ANKFN1: variants seen among roughly 807,000 people sequenced by gnomAD.
ANKFN1 encodes ankyrin repeat and fibronectin type-III domain-containing protein 1.
Under a neutral mutation model 108.7 loss-of-function variants are expected in ANKFN1, and 74 were observed. The observed-to-expected ratio is 0.68, with a 90% CI of 0.56 to 0.83. ANKFN1 has a LOEUF of 0.83. Ranked by LOEUF, ANKFN1 falls within the 40% of genes least tolerant of loss-of-function variation. ANKFN1 has a pLI of 0.00. For missense variants in ANKFN1, 1,505 were observed against 1,382.3 expected (o/e 1.09, Z -1.41); for synonymous variants, 547 against 516.2 (o/e 1.06, Z -0.81).
At chr17:56,110,464 G>A (rs1905898787) in intron 4 of ANKFN1, among the ~76,000 whole-genome samples, 1 of 152,162 alleles carries the variant, frequency 6.6e-6, no homozygotes, top group African/African-American at 2.4e-5. Flanking sequence ...TGTGGGACTA[G>A]TCGATTAGTG....
chr17:56,334,384 A>G (rs916600452), intron 4 of ANKFN1, among the ~76,000 whole-genome samples: 11 of 152,134 alleles, frequency 7.2e-5, no homozygotes, highest in South Asian at 4.1e-4. Context: ...AGGATAATGT[A>G]TATGTTCATT....
At chr17:56,361,589 T>G (rs1337819965) in intron 6 of ANKFN1, among the ~76,000 whole-genome samples, 1 of 152,190 alleles carries the variant, frequency 6.6e-6, no homozygotes, top group Non-Finnish European at 1.5e-5. Flanking sequence ...TTAACTTGTA[T>G]TATTATATAT....
intron 8 of ANKFN1, among the ~76,000 whole-genome samples, chr17:56,393,708 C>T (rs907257365): frequency 3.3e-5 from 5 of 152,192 alleles, no homozygotes; most frequent in Admixed American, 1.3e-4. Flanking sequence ...CGTGATTTCT[C>T]CCTGTAGGGA....
intron 4 of ANKFN1, among the ~76,000 whole-genome samples, chr17:56,329,093 C>A (rs7222518): frequency 0.011 from 1,717 of 152,176 alleles, 49 homozygotes; most frequent in African/African-American, 0.039. Context: ...TCTAAAAAAG[C>A]AAATCTCAAT....
In ANKFN1 at chr17:56,457,877, G is replaced by A. The variant is rs1300102667; in HGVS notation, c.1455G>A (p.Trp485Ter). 1 of 1,613,226 alleles carries A rather than the reference G, an allele frequency of 6.2e-7. No individual in the cohort carries two copies. The highest frequency in any genetic ancestry group is 1.3e-5 in the African/African-American group (1 of 74,896). The change falls in exon 14 of 21, where the codon TGG becomes TGA. Residue 485 changes from tryptophan (W) to a stop codon, truncating the protein, a stop_gained. Coordinates refer to ENST00000682825, the MANE Select transcript of ANKFN1 (RefSeq NM_001370326.1). LOFTEE classifies it high-confidence loss of function. ...TTCTTTTGCAGCTGTCTTGTATGTG[G>A]GAAGATATAAGGTGGCTGAGGCAAA... is the stretch of plus-strand genomic sequence containing the variant. ...FLWFTKLSCM[W>*]EDIRWLRQSI...
At chr17:56,256,993 T>C (rs2043374718) in intron 3 of ANKFN1, among the ~76,000 whole-genome samples, 1 of 152,198 alleles carries the variant, frequency 6.6e-6, no homozygotes, top group Non-Finnish European at 1.5e-5. Flanking sequence ...TGTCAAGTCT[T>C]AGACCTATCA....
At chr17:56,238,383 T>A (rs550892300) in intron 3 of ANKFN1, among the ~76,000 whole-genome samples, 6 of 152,204 alleles carry the variant, frequency 3.9e-5, no homozygotes, top group African/African-American at 1.4e-4. Flanking sequence ...AGTGTTGGAG[T>A]TTCCCACTAT....
intron 4 of ANKFN1, among the ~76,000 whole-genome samples, chr17:56,086,159 C>T (rs549517097): frequency 6.6e-6 from 1 of 151,142 alleles, no homozygotes; most frequent in South Asian, 2.1e-4. Context: ...GTAGTCCTAG[C>T]ACTTTGGGAG....
At chr17:56,396,075 A>G (rs900091885) in intron 8 of ANKFN1, among the ~76,000 whole-genome samples, 3 of 152,250 alleles carry the variant, frequency 2.0e-5, no homozygotes, top group African/African-American at 7.2e-5. Context: ...GCTTGATGTC[A>G]GCTGGGTCCC....
At chr17:56,137,034 A>G (rs1907640755) in intron 4 of ANKFN1, among the ~76,000 whole-genome samples, 1 of 152,204 alleles carries the variant, frequency 6.6e-6, no homozygotes, top group Non-Finnish European at 1.5e-5. Context: ...AGAAACATCT[A>G]CTACAGATTG....
intron 3 of ANKFN1, among the ~76,000 whole-genome samples, chr17:56,315,251 CTCTT>C (rs2045167578): frequency 6.6e-6 from 1 of 152,204 alleles, no homozygotes; most frequent in Non-Finnish European, 1.5e-5. Context: ...CTCTCTCTCT[CTCTT>C]TCTTTAAGAA....
At chr17:56,301,809 G>A (rs2044678445) in intron 3 of ANKFN1, among the ~76,000 whole-genome samples, 1 of 152,218 alleles carries the variant, frequency 6.6e-6, no homozygotes, top group Non-Finnish European at 1.5e-5. Flanking sequence ...ATATGACATT[G>A]ACTTTGGATC....
At chr17:56,283,828 A>T (rs1055513780) in intron 3 of ANKFN1, among the ~76,000 whole-genome samples, 2 of 152,060 alleles carry the variant, frequency 1.3e-5, no homozygotes, top group Non-Finnish European at 2.9e-5. Flanking sequence ...AATCTCACAA[A>T]TCACCACTGA....
intron 3 of ANKFN1, among the ~76,000 whole-genome samples, chr17:56,231,013 G>A (rs999700640): frequency 2.6e-5 from 4 of 152,092 alleles, no homozygotes; most frequent in African/African-American, 9.7e-5. Flanking sequence ...GGTTTTGGGG[G>A]AAGAAACAAC....
chr17:56,372,758 C>A lies in ANKFN1; in HGVS notation c.714C>A (p.Asn238Lys). 9 of 1,613,988 alleles carry A rather than the reference C, an allele frequency of 5.6e-6. No homozygotes were observed. The highest frequency in any genetic ancestry group is 7.6e-6 in the Non-Finnish European group (9 of 1,179,954). ...QVENEGFTLD[N>K]TEKEKQLKAW... ...AGAATGAAGGATTCACTCTGGACAACACAGAGAAAGAGAAGCAGCTGAAAG... is the reference window on the plus strand; with the variant it reads ...AGAATGAAGGATTCACTCTGGACAAAACAGAGAAAGAGAAGCAGCTGAAAG... Residue 238 changes from asparagine to lysine, a missense_variant, in exon 7 of 21, where the codon AAC (asparagine) becomes AAA (lysine). Coordinates refer to ENST00000682825, the MANE Select transcript of ANKFN1 (RefSeq NM_001370326.1).
chr17:56,281,206 C>T (rs2044073850), intron 3 of ANKFN1, among the ~76,000 whole-genome samples: 1 of 150,922 alleles, frequency 6.6e-6, no homozygotes, highest in South Asian at 2.1e-4. Context: ...TTAGTGTAAG[C>T]ACAGATGAGT....
rs550152970 is a variant in ANKFN1, at chr17:56,419,226, A to G, written c.911-21101A>G. Among the ~76,000 whole-genome samples, 6 of 152,338 alleles carry G rather than the reference A, an allele frequency of 3.9e-5. No individual in the cohort carries two copies. The East Asian group carries it at 1.2e-3, about 29-fold the overall frequency. The stretch of plus-strand genomic sequence containing the variant: ...GCCAGGTGCAGTGGCTCACGCCTGT[A>G]ATCCCAGCACTTTGGGAGGCCGAGG... On this transcript the variant is annotated intron_variant, in intron 8 of 20. Transcript: ENST00000682825.
chr17:56,153,516 G>T lies in ANKFN1; in HGVS notation c.-85G>T. On this transcript the variant is annotated 5_prime_UTR_variant, in exon 1 of 21. Transcript: ENST00000682825. ...GCTCAGTCCTGTGTCTCTCATGGAG[G>T]CGTCTCTAACCAGGGTAGGAAAACA... 6.2e-7 allele frequency: 1 copy of T among 1,614,140 alleles called. No homozygotes were observed. The highest frequency in any genetic ancestry group is 8.5e-7 in the Non-Finnish European group (1 of 1,179,974).
At chr17:56,484,470 T>G (rs2050799961) in intron 18 of ANKFN1, among the ~76,000 whole-genome samples, 1 of 152,246 alleles carries the variant, frequency 6.6e-6, no homozygotes, top group East Asian at 1.9e-4. Context: ...TCTCATTGTT[T>G]TCAGCTTCAA....
Sources: gnomAD v4.1 joint callset for allele counts (sites outside exome capture counted in the v4.1 genomes callset) on GRCh38, gnomAD v4.1.1 for gene constraint, MANE v1.5 for transcripts, NCBI Gene and HGNC (gene_info 2026-07-23, HGNC 2026-07-21) for gene names.